The following LCLAT1 variants were observed in gnomAD, a reference collection of about 807,000 sequenced individuals.
LCLAT1 encodes lysocardiolipin acyltransferase 1.
LCLAT1 carries 11 observed loss-of-function variants against 30.7 expected under a neutral mutation model. The ratio of observed to expected loss-of-function variants is 0.36; its 90% CI spans 0.23 to 0.59. The LOEUF is 0.59. Ranked by LOEUF, LCLAT1 falls within the 20% of genes least tolerant of loss-of-function variation. The pLI, the probability that LCLAT1 is intolerant of heterozygous loss-of-function variation, is 0.77. For missense variants in LCLAT1, 402 were observed against 458.6 expected, an observed-to-expected ratio of 0.88 and a Z score of 1.13; for synonymous variants, 155 against 151.3, an observed-to-expected ratio of 1.02 and a Z score of -0.18.
intron 1 of LCLAT1, among the ~76,000 whole-genome samples, chr2:30,521,025 C>A (rs911006783): frequency 6.6e-6 from 1 of 152,064 alleles, no homozygotes; most frequent in Non-Finnish European, 1.5e-5. Context: ...CCACAAAATT[C>A]GGGTCATAAA....
chr2:30,581,263 TC>T (rs1666202906), intron 5 of LCLAT1, among the ~76,000 whole-genome samples: 1 of 152,114 alleles, frequency 6.6e-6, no homozygotes, highest in Admixed American at 6.6e-5. Context: ...CCTGCAGTAC[TC>T]CCATCTCTTC....
At chr2:30,604,442 C>T (rs964841000) in intron 5 of LCLAT1, among the ~76,000 whole-genome samples, 22 of 152,098 alleles carry the variant, frequency 1.4e-4, no homozygotes, top group African/African-American at 5.3e-4. Flanking sequence ...GCTTTCCAAA[C>T]TACTTAATTC....
chr2:30,599,048 T>TA, intron 5 of LCLAT1, among the ~76,000 whole-genome samples: 1 of 152,056 alleles, frequency 6.6e-6, no homozygotes, highest in East Asian at 1.9e-4. Context: ...AGTGGCGTGA[T>TA]CTCGGCTCAC....
rs1476110058 is a variant in LCLAT1 at position 30,533,258 on chromosome 2, A to T, written c.308A>T (p.Tyr103Phe). ...TGGAATTGCCTGATGCGATATAGCT[A>T]CCTCAGATTGGAGAAAATTTGCCTC... is the stretch of plus-strand genomic sequence containing the variant. ...FLWNCLMRYS[Y>F]LRLEKICLKA... is the part of the protein sequence containing the mutation. Residue 103 changes from tyrosine to phenylalanine, a missense_variant, in exon 3 of 6, where the codon TAC becomes TTC. By Grantham distance (22) the Tyr-to-Phe change is conservative. Coordinates refer to ENST00000379509, the MANE Select transcript of LCLAT1 (RefSeq NM_001002257.3). 1 of 1,614,088 alleles carries T rather than the reference A, an allele frequency of 6.2e-7. No individual in the cohort carries two copies. The highest frequency in any genetic ancestry group is 2.2e-5 in the East Asian group (1 of 44,870).
chr2:30,530,659 C>T (rs1031192753), intron 2 of LCLAT1, among the ~76,000 whole-genome samples: 5 of 152,146 alleles, frequency 3.3e-5, no homozygotes, highest in African/African-American at 9.7e-5. Flanking sequence ...AATCCTTCTG[C>T]CTCAGCCTCC....
At chr2:30,640,029 G>T in intron 5 of LCLAT1, 88 bp from the exon 6 acceptor site, 8 of 1,086,956 alleles carry the variant, frequency 7.4e-6, no homozygotes, top group Admixed American at 2.2e-5. Context: ...TGATTTTTCG[G>T]TTTCTGGTGC....
rs555835160 is a variant in LCLAT1, at chr2:30,526,327, G to A, written c.165+572G>A. 4.6e-5 allele frequency among the ~76,000 whole-genome samples: 7 copies of A among 151,690 alleles called. 1 individual carries two copies. In the South Asian group the frequency reaches 1.2e-3, roughly 27 times the overall value. On this transcript the variant is annotated intron_variant, in intron 2 of 5. Transcript: ENST00000379509. ...TTTTCTTCCCCTGTATTTTTTCCCTGTATTTTTCATATTGAATGATTTCTG... is the reference window on the plus strand; with the variant it reads ...TTTTCTTCCCCTGTATTTTTTCCCTATATTTTTCATATTGAATGATTTCTG...
At chr2:30,579,700 G>A (rs1468746167) in intron 5 of LCLAT1, among the ~76,000 whole-genome samples, 2 of 152,128 alleles carry the variant, frequency 1.3e-5, no homozygotes, top group Non-Finnish European at 2.9e-5. Flanking sequence ...CAAGAACTAA[G>A]TTAGAGAAGT....
At chr2:30,589,842 C>T (rs202137899) in intron 5 of LCLAT1, among the ~76,000 whole-genome samples, 1 of 152,164 alleles carries the variant, frequency 6.6e-6, no homozygotes, top group African/African-American at 2.4e-5. Flanking sequence ...TGCTGCTGCT[C>T]CTACTCATGT....
chr2:30,628,939 A>G (rs1668639175), intron 5 of LCLAT1, among the ~76,000 whole-genome samples: 1 of 152,224 alleles, frequency 6.6e-6, no homozygotes, highest in African/African-American at 2.4e-5. Context: ...AAGTCAATTG[A>G]TAGATAATGG....
chr2:30,551,693 T>C lies in LCLAT1; in HGVS notation c.365-10453T>C, dbSNP rs568524338. 7.9e-5 allele frequency among the ~76,000 whole-genome samples: 12 copies of C among 152,312 alleles called. No homozygotes were observed. The South Asian group carries it at 1.9e-3, about 24-fold the overall frequency. On this transcript the variant is annotated intron_variant, in intron 3 of 5. Coordinates refer to ENST00000379509, the MANE Select transcript of LCLAT1 (RefSeq NM_001002257.3). Reference sequence around the variant, plus strand: ...TTGCTACGGGATCTGTTTCCTAGCCTTTTCTAGCTTCTAATGGATGCCTAC... The same window carrying C: ...TTGCTACGGGATCTGTTTCCTAGCCCTTTCTAGCTTCTAATGGATGCCTAC...
At chr2:30,494,534 A>G (rs373732171) in intron 1 of LCLAT1, among the ~76,000 whole-genome samples, 2 of 139,588 alleles carry the variant, frequency 1.4e-5, no homozygotes, top group Non-Finnish European at 3.1e-5. Flanking sequence ...ATTTTTGCAT[A>G]CATACATGCA....
chr2:30,561,160 C>G (rs1472311988), intron 3 of LCLAT1, among the ~76,000 whole-genome samples: 1 of 152,158 alleles, frequency 6.6e-6, no homozygotes, highest in Non-Finnish European at 1.5e-5. Context: ...CCAGGCTGGT[C>G]TCGAACTCCT....
Position 30,533,156 on chromosome 2 carries a change from C to G in LCLAT1, c.206C>G (p.Thr69Ser), listed in dbSNP as rs753279190. ...ATGTTTGGTGTAAAAGTGATTATAACTGGGGATGCATTTGTTCCTGGAGAA... is the reference window on the plus strand; with the variant it reads ...ATGTTTGGTGTAAAAGTGATTATAAGTGGGGATGCATTTGTTCCTGGAGAA... The part of the protein sequence containing the change: ...ETMFGVKVII[T>S]GDAFVPGERS... Residue 69 changes from threonine to serine, a missense_variant, in exon 3 of 6, where the codon ACT becomes AGT. Coordinates refer to ENST00000379509, the MANE Select transcript of LCLAT1 (RefSeq NM_001002257.3). The G allele has an allele frequency of 1.4e-5, 23 of 1,613,932 alleles. No homozygotes were observed. The African/African-American group carries it at 2.7e-4, about 19-fold the overall frequency.
chr2:30,560,661 A>C (rs1665170869), intron 3 of LCLAT1, among the ~76,000 whole-genome samples: 1 of 152,088 alleles, frequency 6.6e-6, no homozygotes, highest in Admixed American at 6.5e-5. Flanking sequence ...TCACTGGTAA[A>C]TAATTTAATG....
chr2:30,582,833 G>A (rs1468709202), intron 5 of LCLAT1, among the ~76,000 whole-genome samples: 1 of 152,194 alleles, frequency 6.6e-6, no homozygotes, highest in Non-Finnish European at 1.5e-5. Flanking sequence ...AATGTTAGAT[G>A]TCACAGAGTA....
intron 2 of LCLAT1, among the ~76,000 whole-genome samples, chr2:30,526,956 T>C (rs1400903432): frequency 6.6e-6 from 1 of 152,198 alleles, no homozygotes; most frequent in East Asian, 1.9e-4. Flanking sequence ...CAGTGTTTCA[T>C]TGCAACCCTA....
chr2:30,616,174 G>GT (rs1233960361), intron 5 of LCLAT1, among the ~76,000 whole-genome samples: 2 of 152,148 alleles, frequency 1.3e-5, no homozygotes, highest in Non-Finnish European at 2.9e-5. Flanking sequence ...TAAGTGAACG[G>GT]TTTTTTTGTT....
chr2:30,556,226 G>T (rs1359278057), intron 3 of LCLAT1, among the ~76,000 whole-genome samples: 1 of 152,126 alleles, frequency 6.6e-6, no homozygotes, highest in Non-Finnish European at 1.5e-5. Context: ...AAATGAGTAT[G>T]GCTGAGTGCC....
Sources: gnomAD v4.1 joint callset for allele counts (sites outside exome capture counted in the v4.1 genomes callset) on GRCh38, gnomAD v4.1.1 for gene constraint, MANE v1.5 for transcripts, NCBI Gene and HGNC (gene_info 2026-07-23, HGNC 2026-07-21) for gene names.